The following CPNE4 variants were observed in gnomAD, a reference collection of about 807,000 sequenced individuals.
CPNE4 encodes copine 4.
In CPNE4, 25 loss-of-function variants were observed where a neutral mutation model predicts 67.9. That is an observed-to-expected ratio of 0.37 (90% CI 0.27 to 0.51). CPNE4 has a LOEUF of 0.51. Among genes scored for constraint, CPNE4 ranks in the 20% least tolerant of loss-of-function variants. The pLI, the probability that CPNE4 is intolerant of heterozygous loss-of-function variation, is 0.93. For missense variants in CPNE4, 464 were observed against 690.8 expected (o/e 0.67, Z 3.68); for synonymous variants, 242 against 244.9 (o/e 0.99, Z 0.11).
intron 10 of CPNE4, among the ~76,000 whole-genome samples, chr3:131,572,955 T>C (rs1937409200): frequency 6.6e-6 from 1 of 152,056 alleles, no homozygotes; most frequent in Non-Finnish European, 1.5e-5. Context: ...CCAAATTAAA[T>C]AAGACACGAT....
intron 1 of CPNE4, among the ~76,000 whole-genome samples, chr3:132,030,407 T>C (rs1421321815): frequency 6.6e-6 from 1 of 152,212 alleles, no homozygotes; most frequent in Admixed American, 6.5e-5. Flanking sequence ...AGACAATGAC[T>C]TTGTACAAAT....
At chr3:131,646,551 G>A (rs1406733384) in intron 7 of CPNE4, among the ~76,000 whole-genome samples, 1 of 152,182 alleles carries the variant, frequency 6.6e-6, no homozygotes, top group Non-Finnish European at 1.5e-5. Context: ...AGAGAGTCCT[G>A]CTGAGGACAG....
rs1583298561 is a variant in CPNE4 at position 131,838,083 on chromosome 3, C to T, written c.180+67181G>A. ...CTCAGCTTTAGGCAACTTTCTGTCT[C>T]AATAGATGTGCTTTTCCTAGTCTCT... is the stretch of plus-strand genomic sequence containing the variant. On this transcript the variant is annotated intron_variant, in intron 2 of 15. Transcript: ENST00000429747. Among the ~76,000 whole-genome samples the T allele has an allele frequency of 2.0e-5, 3 of 151,962 alleles. No individual in the cohort carries two copies. The South Asian group carries it at 6.2e-4, about 32-fold the overall frequency.
chr3:131,706,257 GTTA>G (rs1275725459), intron 3 of CPNE4, among the ~76,000 whole-genome samples: 1 of 152,120 alleles, frequency 6.6e-6, no homozygotes, highest in African/African-American at 2.4e-5. Flanking sequence ...AAGTATTTTT[GTTA>G]TTACTTTTTC....
chr3:131,861,859 T>C (rs1426114555), intron 2 of CPNE4, among the ~76,000 whole-genome samples: 1 of 152,200 alleles, frequency 6.6e-6, no homozygotes, highest in Non-Finnish European at 1.5e-5. Context: ...ATGGGCAAGC[T>C]TTGGCCAGAA....
chr3:131,828,516 A>G (rs1006868477), intron 2 of CPNE4, among the ~76,000 whole-genome samples: 1 of 152,144 alleles, frequency 6.6e-6, no homozygotes. Context: ...ATATACCACC[A>G]TTTGTCCATC....
chr3:131,557,822 G>A (rs903321050), intron 11 of CPNE4, among the ~76,000 whole-genome samples: 4 of 151,924 alleles, frequency 2.6e-5, no homozygotes, highest in African/African-American at 9.7e-5. Context: ...TCTGTGCGGG[G>A]GATTTTAGGG....
chr3:131,812,434 C>T (rs559477146), intron 2 of CPNE4, among the ~76,000 whole-genome samples: 8 of 152,204 alleles, frequency 5.3e-5, no homozygotes, highest in Admixed American at 4.6e-4. Flanking sequence ...AAGGTAGGAA[C>T]CAGGGCTGAG....
intron 7 of CPNE4, among the ~76,000 whole-genome samples, chr3:131,628,097 A>G (rs993772937): frequency 2.0e-5 from 3 of 152,246 alleles, no homozygotes; most frequent in African/African-American, 7.2e-5. Context: ...ATAAAGAGTC[A>G]ACGGGGCAAA....
chr3:131,664,524 G>A (rs2080210375), intron 7 of CPNE4, among the ~76,000 whole-genome samples: 1 of 152,108 alleles, frequency 6.6e-6, no homozygotes, highest in African/African-American at 2.4e-5. Flanking sequence ...GTTACATATA[G>A]ACAAATCTTC....
At chr3:131,575,174 C>G (rs1158967777) in intron 9 of CPNE4, 44 bp from the exon 10 acceptor site, 2 of 1,536,736 alleles carry the variant, frequency 1.3e-6, no homozygotes, top group African/African-American at 2.7e-5. Context: ...ACAGCACAGT[C>G]TATTTCCTGA....
chr3:131,674,003 T>A (rs1040536370), intron 6 of CPNE4, among the ~76,000 whole-genome samples: 4 of 135,478 alleles, frequency 3.0e-5, no homozygotes, highest in Non-Finnish European at 6.4e-5. Context: ...CTCAGTTTTT[T>A]GCATTTTTTT....
chr3:131,928,208 C>T (rs747369747), intron 1 of CPNE4, among the ~76,000 whole-genome samples: 67 of 152,078 alleles, frequency 4.4e-4, no homozygotes, highest in Non-Finnish European at 6.6e-4. Flanking sequence ...TATATGATAT[C>T]GCTGTTCAAA....
intron 1 of CPNE4, among the ~76,000 whole-genome samples, chr3:132,031,694 A>G (rs2074239206): frequency 6.6e-6 from 1 of 152,338 alleles, no homozygotes; most frequent in South Asian, 2.1e-4. Context: ...CATTTCAAAG[A>G]ATTTTCGAAG....
chr3:131,847,549 AG>A (rs1321750859), intron 2 of CPNE4, among the ~76,000 whole-genome samples: 1 of 152,168 alleles, frequency 6.6e-6, no homozygotes, highest in African/African-American at 2.4e-5. Context: ...AGTGGAATTC[AG>A]GGTTGCTGCT....
At chr3:131,601,573 C>T (rs1939208851) in intron 7 of CPNE4, among the ~76,000 whole-genome samples, 1 of 152,100 alleles carries the variant, frequency 6.6e-6, no homozygotes, top group African/African-American at 2.4e-5. Context: ...CTTATTTATA[C>T]AGAAGAACAA....
At chr3:131,962,853 T>C (rs529513503) in intron 1 of CPNE4, among the ~76,000 whole-genome samples, 1 of 152,262 alleles carries the variant, frequency 6.6e-6, no homozygotes, top group South Asian at 2.1e-4. Flanking sequence ...ACACCCTGCT[T>C]AGAATAATAA....
At chr3:131,963,995 G>A (rs1230105958) in intron 1 of CPNE4, among the ~76,000 whole-genome samples, 2 of 152,090 alleles carry the variant, frequency 1.3e-5, no homozygotes, top group African/African-American at 4.8e-5. Context: ...CATCTGGTGG[G>A]TGCCCCTCTA....
chr3:131,715,338 ATAAACT>A (rs2081656552), intron 3 of CPNE4, among the ~76,000 whole-genome samples: 3 of 152,254 alleles, frequency 2.0e-5, no homozygotes, highest in Non-Finnish European at 2.9e-5. Context: ...TGTAAGACAA[ATAAACT>A]TAAGAAGAAA....
Sources: allele counts gnomAD v4.1 joint callset (sites outside exome capture counted in the v4.1 genomes callset), GRCh38; gene constraint gnomAD v4.1.1; transcripts MANE v1.5; gene names NCBI Gene and HGNC (gene_info 2026-07-23, HGNC 2026-07-21).